The following SUN3 variants were observed in gnomAD, a reference collection of about 807,000 sequenced individuals.
The protein encoded by SUN3 is Sad1 and UNC84 domain containing 3, also known as SUN domain-containing protein 3.
A neutral mutation model predicts 48.2 loss-of-function variants in SUN3; 36 were observed. The ratio of observed to expected loss-of-function variants is 0.75; its 90% CI spans 0.57 to 0.99. The LOEUF is 0.99. Among genes scored for constraint, SUN3 ranks in the 50% least tolerant of loss-of-function variants. SUN3 has a pLI of 0.00. For missense variants in SUN3, 419 were observed against 433.1 expected, an observed-to-expected ratio of 0.97 and a Z score of 0.29; for synonymous variants, 148 against 147.9, an observed-to-expected ratio of 1.00 and a Z score of 0.00.
upstream of SUN3, among the ~76,000 whole-genome samples, chr7:48,031,136 T>A (rs1004482034): frequency 2.6e-5 from 4 of 152,164 alleles, no homozygotes; most frequent in African/African-American, 9.7e-5. Context: ...TGGAACCACA[T>A]CAAACCAAAA....
chr7:48,034,076 C>T (rs1445385072), upstream of SUN3, among the ~76,000 whole-genome samples: 1 of 152,148 alleles, frequency 6.6e-6, no homozygotes, highest in Non-Finnish European at 1.5e-5. Context: ...AATAAATAAA[C>T]TTCTCTTGAC....
intron 4 of SUN3, among the ~76,000 whole-genome samples, chr7:48,008,546 T>C (rs1057055203): frequency 7.9e-5 from 12 of 152,220 alleles, no homozygotes; most frequent in African/African-American, 2.9e-4. Flanking sequence ...ATAAATGACA[T>C]GGAAAGCACA....
At chr7:48,004,206 G>C (rs551785019) in intron 6 of SUN3, among the ~76,000 whole-genome samples, 2 of 152,280 alleles carry the variant, frequency 1.3e-5, no homozygotes, top group African/African-American at 4.8e-5. Context: ...GTTGGCATCT[G>C]TTGTCTTTTC....
rs1166144714 is a variant in SUN3, at chr7:48,028,943, C to T, written c.-5G>A. ...TGCCTTTGTTTTTCCACTCATGATC[C>T]CCTACCAAAGAACAAACAGCTGGTA... On this transcript the variant is annotated 5_prime_UTR_variant, in exon 1 of 10. Coordinates refer to ENST00000297325, the MANE Select transcript of SUN3 (RefSeq NM_001030019.2). 2 of 1,613,760 alleles carry T rather than the reference C, an allele frequency of 1.2e-6. No homozygotes were observed. Among genetic ancestry groups the T allele is most frequent in the South Asian group, 2.2e-5 (2 of 91,064 alleles).
intron 5 of SUN3, 151 bp from the exon 6 acceptor site, chr7:48,006,204 G>T: frequency 1.6e-6 from 1 of 611,950 alleles, no homozygotes. Context: ...CCTGTTCATG[G>T]ATCTGGACTG....
chr7:47,995,251 A>G (rs1019560988), intron 7 of SUN3, among the ~76,000 whole-genome samples: 1 of 146,538 alleles, frequency 6.8e-6, no homozygotes, highest in Non-Finnish European at 1.5e-5. Context: ...TGGTGGTGGC[A>G]GTGATGGTGG....
intron 6 of SUN3, among the ~76,000 whole-genome samples, 153 bp from the exon 7 acceptor site, chr7:47,996,299 C>T (rs954333102): frequency 1.3e-5 from 2 of 152,132 alleles, no homozygotes; most frequent in Non-Finnish European, 2.9e-5. Context: ...AAAAGTATGA[C>T]AGTTTTCACT....
chr7:48,003,151 C>T (rs913979141), intron 6 of SUN3, among the ~76,000 whole-genome samples: 66 of 152,086 alleles, frequency 4.3e-4, no homozygotes, highest in South Asian at 1.0e-3. Flanking sequence ...GCCAGTTATT[C>T]CAGCACCATT....
intron 9 of SUN3, among the ~76,000 whole-genome samples, 194 bp from the exon 10 acceptor site, chr7:47,987,643 C>T (rs1363573042): frequency 6.6e-6 from 1 of 151,926 alleles, no homozygotes; most frequent in African/African-American, 2.4e-5. Context: ...AAGTCATCCT[C>T]CCAGCTCAGA....
At chr7:47,995,926 TCAGA>T (rs1789198785) in intron 7 of SUN3, 101 bp downstream of exon 7, 1 of 614,946 alleles carries the variant, frequency 1.6e-6, no homozygotes, top group African/African-American at 2.0e-5. Flanking sequence ...TGTGACAAGT[TCAGA>T]CACTCTTATA....
chr7:48,028,788 A>G (rs1390259544), intron 1 of SUN3, 29 bp downstream of exon 1: 1 of 1,608,354 alleles, frequency 6.2e-7, no homozygotes, highest in Non-Finnish European at 8.5e-7. Context: ...CTACAATTTC[A>G]GGCACACCGT....
At chr7:48,014,400 A>T (rs1050239754) in intron 3 of SUN3, among the ~76,000 whole-genome samples, 8 of 152,064 alleles carry the variant, frequency 5.3e-5, no homozygotes, top group African/African-American at 1.9e-4. Flanking sequence ...TTACCTGGGG[A>T]CTCTTCTAGG....
intron 2 of SUN3, among the ~76,000 whole-genome samples, chr7:48,024,328 C>T (rs1339338084): frequency 3.3e-5 from 5 of 152,030 alleles, no homozygotes; most frequent in Non-Finnish European, 5.9e-5. Flanking sequence ...AACAAAAGGA[C>T]AAACAACCTA....
chr7:48,027,189 A>G (rs1225474755), intron 1 of SUN3, among the ~76,000 whole-genome samples: 1 of 152,198 alleles, frequency 6.6e-6, no homozygotes, highest in East Asian at 1.9e-4. Context: ...ATTCATTCTT[A>G]TAACTGTGTA....
At chr7:48,012,918 G>A (rs760308735) in intron 3 of SUN3, among the ~76,000 whole-genome samples, 11 of 152,194 alleles carry the variant, frequency 7.2e-5, no homozygotes, top group Non-Finnish European at 1.5e-4. Context: ...CTCCTACCAC[G>A]TGAAGACACA....
intron 3 of SUN3, among the ~76,000 whole-genome samples, chr7:48,013,845 A>G (rs1295457293): frequency 6.6e-6 from 1 of 152,226 alleles, no homozygotes. Context: ...ATCAGTCTCC[A>G]GTGGTTTCTG....
intron 1 of SUN3, among the ~76,000 whole-genome samples, chr7:48,028,196 T>C (rs1178984302): frequency 6.6e-6 from 1 of 152,028 alleles, no homozygotes; most frequent in Non-Finnish European, 1.5e-5. Context: ...TTGTTACCAA[T>C]AGGAAGGTTA....
intron 2 of SUN3, 40 bp from the exon 3 acceptor site, chr7:48,017,405 T>C: frequency 3.5e-6 from 4 of 1,132,332 alleles, no homozygotes; most frequent in Non-Finnish European, 3.9e-6. Context: ...AGAGTTTCTC[T>C]GGAAACATAA....
rs1789513501 is a variant in SUN3 at position 48,005,954 on chromosome 7, T to G, written c.577+15A>C. ...TTTTTTTTAATGTTCCTCTTTTCAC[T>G]TTTTCTGTACTCACCGGCCGACTTC... On this transcript the variant is annotated intron_variant, in intron 6 of 9. Coordinates refer to ENST00000297325, the MANE Select transcript of SUN3 (RefSeq NM_001030019.2). 2 of 1,574,900 alleles carry G rather than the reference T, an allele frequency of 1.3e-6. No individual in the cohort carries two copies. The highest frequency in any genetic ancestry group is 1.7e-6 in the Non-Finnish European group (2 of 1,156,918).
Sources: gnomAD v4.1 joint callset for allele counts (sites outside exome capture counted in the v4.1 genomes callset) on GRCh38, gnomAD v4.1.1 for gene constraint, MANE v1.5 for transcripts, NCBI Gene and HGNC (gene_info 2026-07-23, HGNC 2026-07-21) for gene names.